The following ATF2 variants were observed in gnomAD, a reference collection of about 807,000 sequenced individuals.
ATF2 encodes cyclic AMP-dependent transcription factor ATF-2.
A neutral mutation model predicts 60.6 loss-of-function variants in ATF2; 24 were observed. The observed-to-expected ratio is 0.40, with a 90% confidence interval of 0.29 to 0.56. The LOEUF (loss-of-function observed/expected upper bound fraction) is 0.56. Ranked by LOEUF, ATF2 falls within the 20% of genes least tolerant of loss-of-function variation. The pLI, the probability that ATF2 is intolerant of heterozygous loss-of-function variation, is 0.54. For missense variants in ATF2, 433 were observed against 607.7 expected, an observed-to-expected ratio of 0.71 and a Z score of 3.02; for synonymous variants, 206 against 215.4, an observed-to-expected ratio of 0.96 and a Z score of 0.38.
chr2:175,154,072 G>A (rs1462547812), intron 1 of ATF2, among the ~76,000 whole-genome samples: 8 of 150,926 alleles, frequency 5.3e-5, no homozygotes, highest in Non-Finnish European at 8.9e-5. Context: ...AAAATTAGCC[G>A]GTGTGGTGGC....
chr2:175,089,648 T>C (rs560670208), intron 12 of ATF2, among the ~76,000 whole-genome samples: 6 of 152,232 alleles, frequency 3.9e-5, no homozygotes, highest in Non-Finnish European at 7.3e-5. Flanking sequence ...GAATCTATTA[T>C]AGGCATGTTA....
At chr2:175,166,913 C>T (rs1700384792) in intron 1 of ATF2, among the ~76,000 whole-genome samples, 1 of 152,096 alleles carries the variant, frequency 6.6e-6, no homozygotes, top group Non-Finnish European at 1.5e-5. Context: ...CCCTTAGTAC[C>T]AGTTAAATAA....
At chr2:175,142,247 T>C (rs1401618372) in intron 2 of ATF2, among the ~76,000 whole-genome samples, 1 of 151,100 alleles carries the variant, frequency 6.6e-6, no homozygotes, top group Non-Finnish European at 1.5e-5. Context: ...AGTGCAATGT[T>C]GCGTCTCGGC....
At chr2:175,103,169 A>C (rs1386891760) in intron 10 of ATF2, among the ~76,000 whole-genome samples, 1 of 152,026 alleles carries the variant, frequency 6.6e-6, no homozygotes, top group Non-Finnish European at 1.5e-5. Context: ...AAGAAAAAAG[A>C]TAATGTTCTC....
intron 2 of ATF2, among the ~76,000 whole-genome samples, chr2:175,143,079 A>G (rs1412673232): frequency 1.3e-5 from 2 of 152,298 alleles, no homozygotes; most frequent in East Asian, 3.9e-4. Flanking sequence ...AATGTAAACT[A>G]AACTACACCT....
At chr2:175,079,347 T>C (rs193089080) in intron 13 of ATF2, among the ~76,000 whole-genome samples, 136 of 152,286 alleles carry the variant, frequency 8.9e-4, no homozygotes, top group African/African-American at 3.0e-3. Flanking sequence ...GAGAGATTTC[T>C]TGTTAAGAAA....
At chr2:175,110,990 C>T (rs1162680661) in intron 10 of ATF2, among the ~76,000 whole-genome samples, 1 of 152,100 alleles carries the variant, frequency 6.6e-6, no homozygotes, top group African/African-American at 2.4e-5. Flanking sequence ...AGAAGTACCC[C>T]AGAAACCAAA....
intron 2 of ATF2, among the ~76,000 whole-genome samples, chr2:175,142,838 G>C (rs949614618): frequency 6.6e-6 from 1 of 150,706 alleles, no homozygotes; most frequent in Non-Finnish European, 1.5e-5. Context: ...GAGAGAGAGT[G>C]TGTGTGTGTG....
chr2:175,163,918 C>CAAAAAA lies in ATF2; in HGVS notation c.-143+4126_-143+4131dup, dbSNP rs1176905315. 8.6e-4 allele frequency among the ~76,000 whole-genome samples: 26 copies of CAAAAAA among 30,314 alleles called. 2 individuals carry two copies. Among genetic ancestry groups the CAAAAAA allele is most frequent in the East Asian group, 1.9e-3 (1 of 522 alleles). 19.9% of individuals were successfully genotyped at this position (30,314 alleles called of 152,430 possible). ...CCTGGGTGACATAGCAACTCCGTCT[C>CAAAAAA]AAAAAAAAAAAAAAGAAAAGTGAAA... On this transcript the variant is annotated intron_variant, in intron 1 of 13. Transcript: ENST00000264110.
chr2:175,100,391 T>G (rs938127178), intron 10 of ATF2, among the ~76,000 whole-genome samples: 7 of 152,208 alleles, frequency 4.6e-5, no homozygotes, highest in Admixed American at 3.9e-4. Context: ...TTTCTGAATT[T>G]TCAAAATATC....
intron 5 of ATF2, 133 bp from the exon 6 acceptor site, chr2:175,118,502 T>C: frequency 1.4e-6 from 1 of 713,698 alleles, no homozygotes; most frequent in Non-Finnish European, 2.2e-6. Context: ...ACCTCTTCCT[T>C]TAAAACAAAC....
At chr2:175,151,677 A>G (rs1350566060) in intron 1 of ATF2, among the ~76,000 whole-genome samples, 1 of 152,180 alleles carries the variant, frequency 6.6e-6, no homozygotes, top group Non-Finnish European at 1.5e-5. Flanking sequence ...TAATGATAGA[A>G]AACTCAAAAT....
chr2:175,140,738 T>C (rs190375382), intron 2 of ATF2, among the ~76,000 whole-genome samples: 8 of 150,136 alleles, frequency 5.3e-5, no homozygotes, highest in East Asian at 2.0e-4. Flanking sequence ...CCTGTAATGA[T>C]AGCACTTTGG....
intron 9 of ATF2, among the ~76,000 whole-genome samples, chr2:175,112,329 A>AG (rs1696254315): frequency 6.6e-6 from 1 of 152,212 alleles, no homozygotes; most frequent in African/African-American, 2.4e-5. Context: ...GTAAAGAGGA[A>AG]GCAGATACCT....
At chr2:175,075,744 T>C (rs1297558440) in intron 13 of ATF2, among the ~76,000 whole-genome samples, 1 of 152,108 alleles carries the variant, frequency 6.6e-6, no homozygotes, top group South Asian at 2.1e-4. Flanking sequence ...TTCCTGGAGG[T>C]TCCTGTCCTC....
intron 5 of ATF2, among the ~76,000 whole-genome samples, chr2:175,120,491 G>A (rs571630514): frequency 7.3e-5 from 11 of 151,586 alleles, no homozygotes; most frequent in South Asian, 4.2e-4. Flanking sequence ...GAAAACCACC[G>A]AATATTTGCT....
intron 11 of ATF2, among the ~76,000 whole-genome samples, chr2:175,096,442 T>TA (rs1171311742): frequency 1.3e-5 from 2 of 152,204 alleles, no homozygotes; most frequent in Non-Finnish European, 2.9e-5. Context: ...TGTGAATATT[T>TA]ATCTACCTAT....
chr2:175,113,910 A>G, intron 9 of ATF2, 84 bp downstream of exon 9: 1 of 1,145,550 alleles, frequency 8.7e-7, no homozygotes, highest in East Asian at 2.4e-5. Flanking sequence ...ATTCAATTTC[A>G]TAAGCCAGTC....
chr2:175,165,861 TC>T (rs1434239341), intron 1 of ATF2, among the ~76,000 whole-genome samples: 1 of 152,200 alleles, frequency 6.6e-6, no homozygotes, highest in Non-Finnish European at 1.5e-5. Flanking sequence ...AGACGGGGTT[TC>T]ACCGTGTTAG....
Sources: allele counts gnomAD v4.1 joint callset (sites outside exome capture counted in the v4.1 genomes callset), GRCh38; gene constraint gnomAD v4.1.1; transcripts MANE v1.5; gene names NCBI Gene and HGNC (gene_info 2026-07-23, HGNC 2026-07-21).